ECE1: variants seen among roughly 807,000 people sequenced by gnomAD.
The protein encoded by ECE1 is endothelin-converting enzyme 1.
A neutral mutation model predicts 98.6 loss-of-function variants in ECE1; 35 were observed. The ratio of observed to expected loss-of-function variants is 0.35; its 90% confidence interval spans 0.27 to 0.47. The LOEUF (loss-of-function observed/expected upper bound fraction) is 0.47. Among genes scored for constraint, ECE1 ranks in the 20% least tolerant of loss-of-function variants. ECE1 has a pLI of 1.00. For missense variants in ECE1, 814 were observed against 1,025.3 expected (o/e 0.79, Z 2.81); for synonymous variants, 394 against 407.1 (o/e 0.97, Z 0.39).
chr1:21,315,987 G>A (rs1287641126), intron 1 of ECE1, among the ~76,000 whole-genome samples: 1 of 152,136 alleles, frequency 6.6e-6, no homozygotes, highest in East Asian at 1.9e-4. Context: ...CAGCTTACCT[G>A]TGATTTGGGA....
At chr1:21,328,267 C>A (rs753672999) in intron 1 of ECE1, among the ~76,000 whole-genome samples, 1 of 152,226 alleles carries the variant, frequency 6.6e-6, no homozygotes, top group Admixed American at 6.5e-5. Context: ...TGCTCTCTGC[C>A]AGGGATGGCT....
chr1:21,233,886 C>A lies in ECE1; in HGVS notation c.1567-225G>T, dbSNP rs2098184868. On this transcript the variant is annotated intron_variant, in intron 13 of 18. Transcript: ENST00000374893. The surrounding 1 kb of genome is among the most constrained non-coding windows in gnomAD (Gnocchi z 4.0). ...GCCTACAGCAGTGCCTGGGCCCAGGCAAGAAATATCTCCCATGTTGTCCAA... is the reference window on the plus strand; with the variant it reads ...GCCTACAGCAGTGCCTGGGCCCAGGAAAGAAATATCTCCCATGTTGTCCAA... Among the ~76,000 whole-genome samples, 1 of 152,136 alleles carries A rather than the reference C, an allele frequency of 6.6e-6. No individual in the cohort carries two copies. The highest frequency in any genetic ancestry group is 1.5e-5 in the Non-Finnish European group (1 of 68,006).
In ECE1 at chr1:21,238,221, A is replaced by C; in HGVS notation, c.1302T>G (p.Phe434Leu). 2 of 1,614,232 alleles carry C rather than the reference A, an allele frequency of 1.2e-6. No individual in the cohort carries two copies. The highest frequency in any genetic ancestry group is 2.2e-5 in the South Asian group (2 of 91,080). The change falls in exon 11 of 19, where the codon TTT (phenylalanine) becomes TTG (leucine). Residue 434 changes from phenylalanine (F) to leucine (L), a missense_variant. Physicochemically the swap from Phe to Leu is conservative, Grantham distance 22 (BLOSUM62 0). This residue lies in a region of ECE1 where 452 missense variants were observed against 567.3 expected (regional missense o/e 0.80). Transcript: ENST00000374893. Reference sequence around the variant, plus strand: ...GGTTGTTTTCTGTGTCACTCACGCAAAACTTCCAGCGAGGAAGACAGGTCT... The same window carrying C: ...GGTTGTTTTCTGTGTCACTCACGCACAACTTCCAGCGAGGAAGACAGGTCT... The part of the protein sequence containing the change: ...TKKTCLPRWK[F>L]CVSDTENNLG...
At chr1:21,234,689 G>C (rs574370161) in intron 13 of ECE1, among the ~76,000 whole-genome samples, 23 of 152,226 alleles carry the variant, frequency 1.5e-4, no homozygotes, top group African/African-American at 5.3e-4. Flanking sequence ...ATGTTGCCCG[G>C]GCTGGTCTTA....
chr1:21,229,746 G>C (rs2098179370), intron 14 of ECE1, among the ~76,000 whole-genome samples: 1 of 152,124 alleles, frequency 6.6e-6, no homozygotes, highest in South Asian at 2.1e-4. Context: ...ATAACCATTT[G>C]GAAGATCTGT....
Position 21,220,793 on chromosome 1 carries a change from C to G in ECE1, c.2137-662G>C, listed in dbSNP as rs573982548. 6.6e-6 allele frequency among the ~76,000 whole-genome samples: 1 copy of G among 152,102 alleles called. No individual in the cohort carries two copies. Among genetic ancestry groups the G allele is most frequent in the African/African-American group, 2.4e-5 (1 of 41,502 alleles). ...GCCGGGTGACTGAGGGAGACTCCGG[C>G]TCCAAAAAAACAAAACCCAGAAAAT... On this transcript the variant is annotated intron_variant, in intron 18 of 18. Transcript: ENST00000374893. The surrounding 1 kb of genome is among the most constrained non-coding windows in gnomAD (Gnocchi z 5.0).
chr1:21,238,832 T>G (rs1335810794), intron 10 of ECE1, among the ~76,000 whole-genome samples: 1 of 151,994 alleles, frequency 6.6e-6, no homozygotes, highest in African/African-American at 2.4e-5. Flanking sequence ...TCTTTTTTTT[T>G]GGCAGGGTCT....
intron 4 of ECE1, among the ~76,000 whole-genome samples, chr1:21,270,132 A>G (rs895404538): frequency 2.0e-5 from 3 of 152,170 alleles, no homozygotes; most frequent in Admixed American, 6.5e-5. Flanking sequence ...CATCCCCTCT[A>G]AATGCTAACT....
intron 4 of ECE1, among the ~76,000 whole-genome samples, chr1:21,261,230 T>C (rs1314516074): frequency 6.6e-6 from 1 of 152,174 alleles, no homozygotes; most frequent in East Asian, 1.9e-4. Context: ...TCTTGCCTCC[T>C]CTGGGAAACT....
At position 21,235,674 on chromosome 1, in the gene ECE1, T is replaced by TAAG. The variant is rs774027916; in HGVS notation, c.1566+173_1566+175dup. ...CCTCCAGCTGACCCAGGAGCCAAAT[T>TAAG]AAGAAGAAGAAGAGGCTTCCTCATG... On this transcript the variant is annotated intron_variant, in intron 13 of 18. Coordinates refer to ENST00000374893, the MANE Select transcript of ECE1 (RefSeq NM_001397.3). This position sits in a 1 kb window ranked among gnomAD's most constrained non-coding sequence, Gnocchi z 4.2. Among the ~76,000 whole-genome samples, 1 of 152,074 alleles carries TAAG rather than the reference T, an allele frequency of 6.6e-6. No individual in the cohort carries two copies. Among genetic ancestry groups the TAAG allele is most frequent in the Non-Finnish European group, 1.5e-5 (1 of 68,010 alleles).
At chr1:21,331,967 A>G (rs943931868) in intron 1 of ECE1, among the ~76,000 whole-genome samples, 1 of 152,102 alleles carries the variant, frequency 6.6e-6, no homozygotes, top group Non-Finnish European at 1.5e-5. Context: ...CACTCCCAGG[A>G]GCCTCCTCAG....
rs954875060 is a variant in ECE1, at chr1:21,260,930, C to T, written c.494-538G>A. On this transcript the variant is annotated intron_variant, in intron 4 of 18. Coordinates refer to ENST00000374893, the MANE Select transcript of ECE1 (RefSeq NM_001397.3). This position sits in a 1 kb window ranked among gnomAD's most constrained non-coding sequence, Gnocchi z 4.3. Reference sequence around the variant, plus strand: ...GCCAACTCCTGGGGCCGTTTTCCACCGCCCTTGCCAACTCCAGCAAGCAGC... The same window carrying T: ...GCCAACTCCTGGGGCCGTTTTCCACTGCCCTTGCCAACTCCAGCAAGCAGC... Among the ~76,000 whole-genome samples the T allele has an allele frequency of 5.9e-5, 9 of 152,326 alleles. No individual in the cohort carries two copies. The highest frequency in any genetic ancestry group is 2.2e-4 in the African/African-American group (9 of 41,570).
At chr1:21,254,595 G>A (rs1041518308) in intron 8 of ECE1, among the ~76,000 whole-genome samples, 2 of 152,214 alleles carry the variant, frequency 1.3e-5, no homozygotes, top group Non-Finnish European at 2.9e-5. Context: ...GGCACAGACA[G>A]TTGGCATCAT....
At chr1:21,289,621 C>G (rs962045970) in intron 2 of ECE1, among the ~76,000 whole-genome samples, 1 of 152,220 alleles carries the variant, frequency 6.6e-6, no homozygotes, top group Non-Finnish European at 1.5e-5. Flanking sequence ...AGGTGACCAA[C>G]TTTCCCAGTT....
intron 2 of ECE1, 143 bp downstream of exon 2, chr1:21,289,927 C>G: frequency 9.3e-7 from 1 of 1,070,644 alleles, no homozygotes; most frequent in Non-Finnish European, 1.2e-6. Context: ...TGCGGGGAGG[C>G]GCGGCCCCTC....
At chr1:21,328,631 C>T (rs751622259) in intron 1 of ECE1, among the ~76,000 whole-genome samples, 11 of 151,982 alleles carry the variant, frequency 7.2e-5, no homozygotes, top group Non-Finnish European at 1.2e-4. Flanking sequence ...GGCATGGTGG[C>T]GGGCGCCTGT....
chr1:21,297,115 C>T (rs576583249), intron 1 of ECE1, among the ~76,000 whole-genome samples: 9 of 152,320 alleles, frequency 5.9e-5, no homozygotes, highest in Admixed American at 1.3e-4. Context: ...GCTGGGCTCC[C>T]GTGAATGTGC....
intron 2 of ECE1, among the ~76,000 whole-genome samples, chr1:21,283,170 C>A (rs1057126801): frequency 6.6e-6 from 1 of 152,034 alleles, no homozygotes; most frequent in Non-Finnish European, 1.5e-5. Context: ...CTCAATCAAT[C>A]TCCTGACCTC....
intron 1 of ECE1, chr1:21,298,671 T>G (rs1638422111): frequency 2.3e-6 from 1 of 443,128 alleles, no homozygotes; most frequent in African/African-American, 2.0e-5. Context: ...CTTGCAAGTG[T>G]GAAACAACTG....
Sources: gnomAD v4.1 joint callset for allele counts (sites outside exome capture counted in the v4.1 genomes callset) on GRCh38, gnomAD v4.1.1 for gene constraint, gnomAD v4.1.1 regional missense constraint, Gnocchi (gnomAD v3.1) non-coding constraint, MANE v1.5 for transcripts, NCBI Gene and HGNC (gene_info 2026-07-23, HGNC 2026-07-21) for gene names.